Variants in ADGRL3 observed in about 807,000 individuals in gnomAD.
ADGRL3 encodes the protein calcium-independent alpha-latrotoxin receptor 3.
Under a neutral mutation model 153.5 loss-of-function variants are expected in ADGRL3, and 62 were observed. The ratio of observed to expected loss-of-function variants is 0.40; its 90% CI spans 0.33 to 0.50. ADGRL3 has a LOEUF of 0.50. ADGRL3 is among the 20% of genes least tolerant of loss of function. ADGRL3 has a pLI of 0.47. For missense variants in ADGRL3, 1,641 were observed against 1,859.4 expected (o/e 0.88, Z 2.16); for synonymous variants, 710 against 672.5 (o/e 1.06, Z -0.86).
At chr4:61,793,026 G>C (rs190059311) in intron 8 of ADGRL3, among the ~76,000 whole-genome samples, 28 of 152,152 alleles carry the variant, frequency 1.8e-4, no homozygotes, top group Admixed American at 2.6e-4. Flanking sequence ...CATGTGGCTG[G>C]GGAGGCCTCA....
intron 6 of ADGRL3, 155 bp downstream of exon 6, chr4:61,677,090 CA>C (rs1475033305): frequency 3.5e-6 from 2 of 572,520 alleles, no homozygotes; most frequent in African/African-American, 3.8e-5. Context: ...CCCTCCCTGC[CA>C]TCAGAAGAAT....
chr4:62,070,537 A>T lies in ADGRL3; in HGVS notation c.4261A>T (p.Arg1421Ter). 1 of 1,549,410 alleles carries T rather than the reference A, an allele frequency of 6.5e-7. No individual in the cohort carries two copies. The highest frequency in any genetic ancestry group is 8.7e-7 in the Non-Finnish European group (1 of 1,146,644). Reference protein sequence around the residue: ...TENHQPHHYTRRRIPQDHSES... With the variant: ...TENHQPHHYT ...GAACCACCAGCCACACCATTATACC[A>T]GAAGGCGGATCCCCCAAGACCACAG... Residue 1421 changes from arginine to a stop codon, truncating the protein, a stop_gained, in exon 27 of 27, where the codon AGA becomes TGA. Coordinates refer to ENST00000683033, the MANE Select transcript of ADGRL3 (RefSeq NM_001387552.1). LOFTEE classifies it high-confidence loss of function.
chr4:61,483,363 A>G (rs973401406), intron 2 of ADGRL3, among the ~76,000 whole-genome samples: 13 of 152,242 alleles, frequency 8.5e-5, no homozygotes, highest in Admixed American at 3.3e-4. Flanking sequence ...ACCAAAGTAT[A>G]CAAAATGTAT....
chr4:61,654,980 A>C (rs1315883710), intron 5 of ADGRL3, among the ~76,000 whole-genome samples: 3 of 152,162 alleles, frequency 2.0e-5, no homozygotes, highest in African/African-American at 7.2e-5. Context: ...AGGATGAAAC[A>C]GTGTTTTGAG....
intron 1 of ADGRL3, among the ~76,000 whole-genome samples, chr4:61,260,834 T>C (rs2092450021): frequency 6.6e-6 from 1 of 152,090 alleles, no homozygotes; most frequent in Non-Finnish European, 1.5e-5. Flanking sequence ...CAAGTGATCC[T>C]CCCACCTCAG....
chr4:61,833,421 T>A (rs1029238060), intron 9 of ADGRL3, among the ~76,000 whole-genome samples: 1 of 152,122 alleles, frequency 6.6e-6, no homozygotes, highest in Non-Finnish European at 1.5e-5. Context: ...CTCAAGTCAG[T>A]CTCCCCGAGC....
intron 4 of ADGRL3, among the ~76,000 whole-genome samples, chr4:61,545,834 A>C (rs145103143): frequency 4.8e-4 from 73 of 152,186 alleles, no homozygotes; most frequent in African/African-American, 1.4e-3. Context: ...TTCTCTCTCT[A>C]TGTTTGAGGT....
intron 1 of ADGRL3, among the ~76,000 whole-genome samples, chr4:61,338,642 G>A (rs965771132): frequency 2.0e-5 from 3 of 152,072 alleles, no homozygotes; most frequent in African/African-American, 7.2e-5. Context: ...TGCTATTTCC[G>A]AATTGGATGT....
intron 1 of ADGRL3, among the ~76,000 whole-genome samples, chr4:61,290,285 G>A (rs937312650): frequency 6.6e-6 from 1 of 151,934 alleles, no homozygotes; most frequent in African/African-American, 2.4e-5. Context: ...TGACCTATTG[G>A]ACTTGGCATT....
At chr4:61,228,699 C>T (rs2149137382) in intron 1 of ADGRL3, among the ~76,000 whole-genome samples, 1 of 152,266 alleles carries the variant, frequency 6.6e-6, no homozygotes, top group East Asian at 1.9e-4. Context: ...ACTTACACTG[C>T]AGCATAAATT....
chr4:61,617,631 T>C (rs910872960), intron 5 of ADGRL3, among the ~76,000 whole-genome samples: 3 of 152,188 alleles, frequency 2.0e-5, no homozygotes, highest in African/African-American at 7.2e-5. Flanking sequence ...ATGTATAAAA[T>C]GGGATAAGTA....
At chr4:61,519,308 C>T (rs1381014601) in intron 4 of ADGRL3, among the ~76,000 whole-genome samples, 1 of 151,668 alleles carries the variant, frequency 6.6e-6, no homozygotes, top group Admixed American at 6.6e-5. Flanking sequence ...AGTGCAGTGA[C>T]GGGTTTTAAG....
At position 61,909,456 on chromosome 4, in the gene ADGRL3, T is replaced by A. The variant is rs1581415245; in HGVS notation, c.1888-104T>A. ...GAAGATGAAGTTTAACAACTATTTC[T>A]TGAATCGATGATTACAATTACATGC... On this transcript the variant is annotated intron_variant, in intron 11 of 26. Coordinates refer to ENST00000683033, the MANE Select transcript of ADGRL3 (RefSeq NM_001387552.1). 2.6e-5 allele frequency: 19 copies of A among 733,318 alleles called. No homozygotes were observed. The East Asian group carries it at 5.6e-4, about 21-fold the overall frequency. 45.4% of individuals were successfully genotyped at this position (733,318 alleles called of 1,614,324 possible).
chr4:61,285,740 C>G (rs1218870440), intron 1 of ADGRL3, among the ~76,000 whole-genome samples: 2 of 151,774 alleles, frequency 1.3e-5, no homozygotes, highest in Non-Finnish European at 2.9e-5. Flanking sequence ...CCTTTTGGTG[C>G]TCTCCTTACA....
chr4:61,971,949 T>C (rs2150675977), intron 17 of ADGRL3, among the ~76,000 whole-genome samples: 1 of 152,294 alleles, frequency 6.6e-6, no homozygotes, highest in African/African-American at 2.4e-5. Context: ...GCTGCACAAA[T>C]GTCTTCTTTT....
At chr4:61,681,330 T>C (rs1046916333) in intron 6 of ADGRL3, among the ~76,000 whole-genome samples, 3 of 152,140 alleles carry the variant, frequency 2.0e-5, no homozygotes, top group African/African-American at 4.8e-5. Flanking sequence ...TCACGCACAT[T>C]ACACTCAAAA....
At chr4:61,219,242 T>A (rs1314840504) in intron 1 of ADGRL3, among the ~76,000 whole-genome samples, 1 of 152,222 alleles carries the variant, frequency 6.6e-6, no homozygotes, top group Non-Finnish European at 1.5e-5. Flanking sequence ...AATGACCTCA[T>A]CTAAACTTTG....
At chr4:61,926,683 A>C (rs937713617) in intron 13 of ADGRL3, among the ~76,000 whole-genome samples, 1 of 152,216 alleles carries the variant, frequency 6.6e-6, no homozygotes, top group African/African-American at 2.4e-5. Context: ...CATGTAAAGC[A>C]TTCATATCAA....
At chr4:61,269,719 A>G (rs1396669021) in intron 1 of ADGRL3, among the ~76,000 whole-genome samples, 3 of 151,738 alleles carry the variant, frequency 2.0e-5, no homozygotes, top group African/African-American at 7.2e-5. Flanking sequence ...TTATTTTACA[A>G]ATTAAACGAA....
Sources: gnomAD v4.1 joint callset for allele counts (sites outside exome capture counted in the v4.1 genomes callset) on GRCh38, gnomAD v4.1.1 for gene constraint, MANE v1.5 for transcripts, NCBI Gene and HGNC (gene_info 2026-07-23, HGNC 2026-07-21) for gene names.